ZBTB46: variants seen among roughly 807,000 people sequenced by gnomAD.
ZBTB46 encodes zinc finger and BTB domain containing 46.
ZBTB46 carries 8 observed loss-of-function variants against 44.1 expected under a neutral mutation model. That is an observed-to-expected ratio of 0.18 (90% CI 0.11 to 0.33). ZBTB46 has a LOEUF of 0.33. ZBTB46 is among the 10% of genes least tolerant of loss of function. ZBTB46 has a pLI of 1.00. For missense variants in ZBTB46, 651 were observed against 847.7 expected (o/e 0.77, Z 2.88); for synonymous variants, 409 against 382.3 (o/e 1.07, Z -0.81).
At chr20:63,794,267 C>A (rs563066840) in intron 1 of ZBTB46, among the ~76,000 whole-genome samples, 2 of 152,060 alleles carry the variant, frequency 1.3e-5, no homozygotes, top group Admixed American at 1.3e-4. Context: ...TCTCGGCTCA[C>A]GGCAGCCTCC....
intron 2 of ZBTB46, among the ~76,000 whole-genome samples, chr20:63,780,271 CA>C (rs1012455148): frequency 1.1e-3 from 148 of 132,006 alleles, no homozygotes; most frequent in Non-Finnish European, 1.0e-3. Context: ...AACTCCATCT[CA>C]AAAAAAAAAA....
chr20:63,788,039 C>G (rs1371465974), intron 2 of ZBTB46: 1 of 152,344 alleles, frequency 6.6e-6, no homozygotes, highest in African/African-American at 2.4e-5. Flanking sequence ...CACTCACGCC[C>G]TCCCACGTTC....
Position 63,767,601 on chromosome 20 carries a change from C to T in ZBTB46, c.1222+8077G>A, listed in dbSNP as rs536518794. Among the ~76,000 whole-genome samples the T allele has an allele frequency of 1.4e-4, 22 of 152,308 alleles. No homozygotes were observed. In the East Asian group the frequency reaches 1.9e-3, roughly 13 times the overall value. On this transcript the variant is annotated intron_variant, in intron 3 of 4. Coordinates refer to ENST00000245663, the MANE Select transcript of ZBTB46 (RefSeq NM_001369741.1). This position sits in a 1 kb window ranked among gnomAD's most constrained non-coding sequence, Gnocchi z 5.0. ...GGGACCCGGACGCCAAAGCTCTGGC[C>T]GCAGCACTGAGGTCAAAGCAAACGC...
chr20:63,832,330 C>T (rs2092856284), upstream of ZBTB46, among the ~76,000 whole-genome samples: 2 of 151,804 alleles, frequency 1.3e-5, no homozygotes, highest in African/African-American at 4.8e-5. This position sits in a 1 kb window ranked among gnomAD's most constrained non-coding sequence, Gnocchi z 5.0. Flanking sequence ...CCGGGCGCGG[C>T]GGGAAGGGAG....
rs149655741 is a variant in ZBTB46 at position 63,787,696 on chromosome 20, C to G, written c.937+2125G>C. ...TCGCCTAGCGATGCGTTTCTTGGAA[C>G]CTATCCCTGTCATCAAGCAACGCGT... On this transcript the variant is annotated intron_variant, in intron 2 of 4. Coordinates refer to ENST00000245663, the MANE Select transcript of ZBTB46 (RefSeq NM_001369741.1). This position sits in a 1 kb window ranked among gnomAD's most constrained non-coding sequence, Gnocchi z 4.6. 1.3e-5 allele frequency: 2 copies of G among 152,260 alleles called. No homozygotes were observed. Among genetic ancestry groups the G allele is most frequent in the African/African-American group, 4.8e-5 (2 of 41,464 alleles). 9.4% of individuals were successfully genotyped at this position (152,260 alleles called of 1,614,324 possible).
intron 1 of ZBTB46, among the ~76,000 whole-genome samples, chr20:63,791,936 G>A (rs2092564216): frequency 6.6e-6 from 1 of 152,164 alleles, no homozygotes; most frequent in Non-Finnish European, 1.5e-5. Flanking sequence ...GTATTCTCAA[G>A]TCCAGAATCA....
chr20:63,797,114 C>T lies in ZBTB46; in HGVS notation c.-33-6324G>A, dbSNP rs369613745. 2.6e-5 allele frequency among the ~76,000 whole-genome samples: 4 copies of T among 151,792 alleles called. No individual in the cohort carries two copies. The East Asian group carries it at 7.7e-4, about 29-fold the overall frequency. ...TGTTGGTGTGCTGCACCCATTAACTCGTCATTTACATTAGGTATATCTCCT... is the reference window on the plus strand; with the variant it reads ...TGTTGGTGTGCTGCACCCATTAACTTGTCATTTACATTAGGTATATCTCCT... On this transcript the variant is annotated intron_variant, in intron 1 of 4. Coordinates refer to ENST00000245663, the MANE Select transcript of ZBTB46 (RefSeq NM_001369741.1).
chr20:63,765,044 CGTGTGTGT>C (rs3068812), intron 3 of ZBTB46, among the ~76,000 whole-genome samples: 58 of 150,972 alleles, frequency 3.8e-4, no homozygotes, highest in South Asian at 8.4e-4. Context: ...TGTGTGCGTG[CGTGTGTGT>C]GTATGTTTGT....
Position 63,775,782 on chromosome 20 carries a change from G to A in ZBTB46, c.1118C>T (p.Ala373Val), listed in dbSNP as rs754977085. ...CAGCAGGCTGTTCTTACTCATGAGC[G>A]CCGCGCGCAGGTTGGCCACCGCGGT... ...QATAVANLRA[A>V]LMSKNSLLSL... Residue 373 changes from alanine (A) to valine (V), a missense_variant, in exon 3 of 5, where the codon GCG becomes GTG. Around this residue, in one of 5 missense-constraint regions of ZBTB46, gnomAD observed 385 missense variants for 423.3 expected, o/e 0.91. Coordinates refer to ENST00000245663, the MANE Select transcript of ZBTB46 (RefSeq NM_001369741.1). The A allele has an allele frequency of 3.8e-5, 62 of 1,613,182 alleles. No homozygotes were observed. Among genetic ancestry groups the A allele is most frequent in the South Asian group, 1.1e-5 (1 of 91,054 alleles).
At chr20:63,826,704 G>A (rs1017458993) in intron 1 of ZBTB46, among the ~76,000 whole-genome samples, 6 of 152,202 alleles carry the variant, frequency 3.9e-5, no homozygotes, top group Non-Finnish European at 7.3e-5. Context: ...CAGCCTGCGC[G>A]ACAGAGCGAG....
At chr20:63,825,417 A>AC (rs2092814524) in intron 1 of ZBTB46, among the ~76,000 whole-genome samples, 2 of 135,898 alleles carry the variant, frequency 1.5e-5, no homozygotes, top group African/African-American at 2.8e-5. Context: ...AAAAAAAAAA[A>AC]CCCTCCCTCC....
At chr20:63,825,881 C>T (rs1441528373) in intron 1 of ZBTB46, among the ~76,000 whole-genome samples, 1 of 152,366 alleles carries the variant, frequency 6.6e-6, no homozygotes, top group South Asian at 2.1e-4. Flanking sequence ...CATGCCCCAG[C>T]AGATAAGCAA....
At chr20:63,827,785 C>T (rs895469912) in intron 1 of ZBTB46, among the ~76,000 whole-genome samples, 2 of 152,194 alleles carry the variant, frequency 1.3e-5, no homozygotes, top group African/African-American at 4.8e-5. Flanking sequence ...TAGAGTAAAA[C>T]GGCACTGCTG....
chr20:63,794,922 C>T (rs1004126214), intron 1 of ZBTB46, among the ~76,000 whole-genome samples: 1 of 152,238 alleles, frequency 6.6e-6, no homozygotes, highest in African/African-American at 2.4e-5. Flanking sequence ...CTTGGTACAT[C>T]TCAGGTCCCC....
chr20:63,814,986 T>G (rs942934531), intron 1 of ZBTB46: 1 of 158,850 alleles, frequency 6.3e-6, no homozygotes. Flanking sequence ...AAGGATCGCT[T>G]GAGCCCAGGA....
At chr20:63,831,420 C>T (rs1422797773), upstream of ZBTB46, among the ~76,000 whole-genome samples, 2 of 143,460 alleles carry the variant, frequency 1.4e-5, no homozygotes, top group African/African-American at 2.5e-5. Context: ...CCGCCCACGC[C>T]GGCCCGGCCG....
chr20:63,820,621 CG>C (rs2092786711), intron 1 of ZBTB46, among the ~76,000 whole-genome samples: 1 of 150,632 alleles, frequency 6.6e-6, no homozygotes, highest in Non-Finnish European at 1.5e-5. Context: ...TGGTAGAGAC[CG>C]GGTTTCTCCA....
chr20:63,745,609 C>A lies in ZBTB46; in HGVS notation c.*1321G>T, dbSNP rs1368414005. ...GGAGGCCACCGCGCCCACCTCCCAT[C>A]TGAAGGCACAGCACCGCAGTGGTGG... On this transcript the variant is annotated 3_prime_UTR_variant, in exon 5 of 5. Coordinates refer to ENST00000245663, the MANE Select transcript of ZBTB46 (RefSeq NM_001369741.1). 6.6e-6 allele frequency: 1 copy of A among 152,370 alleles called. No homozygotes were observed. Among genetic ancestry groups the A allele is most frequent in the African/African-American group, 2.4e-5 (1 of 41,474 alleles). The allele number at this position is 152,370 out of a possible 1,614,324, so 9.4% of individuals were successfully genotyped here.
At chr20:63,814,346 G>A (rs1158271469) in intron 1 of ZBTB46, among the ~76,000 whole-genome samples, 3 of 152,124 alleles carry the variant, frequency 2.0e-5, no homozygotes, top group Admixed American at 6.5e-5. Flanking sequence ...GCAGCCAGGC[G>A]ACGTGGACGT....
Sources: allele counts gnomAD v4.1 joint callset (sites outside exome capture counted in the v4.1 genomes callset), GRCh38; gene constraint gnomAD v4.1.1; regional missense constraint gnomAD v4.1.1; non-coding constraint Gnocchi (gnomAD v3.1); transcripts MANE v1.5; gene names NCBI Gene and HGNC (gene_info 2026-07-23, HGNC 2026-07-21).